CEP192: variants seen among roughly 807,000 people sequenced by gnomAD.
CEP192 encodes the protein centrosomal protein 192.
Under a neutral mutation model 271.8 loss-of-function variants are expected in CEP192, and 151 were observed. That is an observed-to-expected ratio of 0.56 (90% confidence interval 0.49 to 0.64). The LOEUF (loss-of-function observed/expected upper bound fraction) is 0.64, where lower values mean the gene tolerates loss of function less well. Among genes scored for constraint, CEP192 ranks in the 30% least tolerant of loss-of-function variants. CEP192 has a pLI of 0.00. For synonymous variants in CEP192, 995 were observed against 1,076.5 expected, an observed-to-expected ratio of 0.92 and a Z score of 1.48; for missense variants, 2,910 against 3,020.5, an observed-to-expected ratio of 0.96 and a Z score of 0.86.
intron 1 of CEP192, among the ~76,000 whole-genome samples, chr18:12,995,906 C>G (rs1311150300): frequency 6.6e-6 from 1 of 152,148 alleles, no homozygotes; most frequent in Admixed American, 6.5e-5. Context: ...GTTTCAGGAA[C>G]AGCAGGGAGG....
chr18:13,028,299 C>A (rs930319009), intron 9 of CEP192, among the ~76,000 whole-genome samples: 1 of 152,152 alleles, frequency 6.6e-6, no homozygotes, highest in African/African-American at 2.4e-5. Flanking sequence ...TTAATTACAT[C>A]CGTAAAGACC....
chr18:13,010,587 C>T (rs912618997), intron 4 of CEP192, among the ~76,000 whole-genome samples: 8 of 152,200 alleles, frequency 5.3e-5, no homozygotes, highest in African/African-American at 1.7e-4. Context: ...TGGCTCACAC[C>T]GGTAATCTCA....
At position 13,104,891 on chromosome 18, in the gene CEP192, T is replaced by C. The variant is rs906026449; in HGVS notation, c.6952-93T>C. The C allele has an allele frequency of 7.5e-6, 7 of 928,082 alleles. No homozygotes were observed. In the Admixed American group the frequency reaches 1.1e-4, roughly 15 times the overall value. The allele number at this position is 928,082 out of a possible 1,614,324, so 57.5% of individuals were successfully genotyped here. A position where few individuals can be genotyped will look rare whatever the true frequency, so the allele number is the denominator to read the frequency against. ...TTTTGTCCACTGCTAAGTGTGTTGG[T>C]GTGTTCTCCGCAGCCATAGAGGTAA... On this transcript the variant is annotated intron_variant, in intron 39 of 44. Coordinates refer to ENST00000506447, the MANE Select transcript of CEP192 (RefSeq NM_032142.4).
chr18:13,075,378 C>T (rs1252430155), intron 30 of CEP192, among the ~76,000 whole-genome samples: 1 of 151,996 alleles, frequency 6.6e-6, no homozygotes, highest in Non-Finnish European at 1.5e-5. Context: ...CAATCCTGAC[C>T]AACATGGTGA....
chr18:13,009,958 A>G lies in CEP192; in HGVS notation c.466+1327A>G, dbSNP rs111566593. On this transcript the variant is annotated intron_variant, in intron 4 of 44. Transcript: ENST00000506447. ...TGAATGGCTTGAGCCCAGGAGTTCA[A>G]TATCAGCCTGGGCAACAAGGTGAAA... 1.2e-4 allele frequency among the ~76,000 whole-genome samples: 19 copies of G among 152,276 alleles called. No homozygotes were observed. The South Asian group carries it at 1.7e-3, about 13-fold the overall frequency.
intron 1 of CEP192, among the ~76,000 whole-genome samples, chr18:12,998,403 G>A (rs1233919943): frequency 6.6e-6 from 1 of 152,176 alleles, no homozygotes; most frequent in East Asian, 1.9e-4. Flanking sequence ...GTGGATTTTC[G>A]AGTCAGACCT....
rs1459419786 is a variant in CEP192 at position 13,116,385 on chromosome 18, A to G, written c.7298A>G (p.Asp2433Gly). 6 of 1,612,322 alleles carry G rather than the reference A, an allele frequency of 3.7e-6. No individual in the cohort carries two copies. Among genetic ancestry groups the G allele is most frequent in the Non-Finnish European group, 5.1e-6 (6 of 1,179,584 alleles). ...ACCTATTCCCAAAGCAGGCAGCTTG[A>G]TGTGACTGCTCGTGGAGTTTATGCC... ...EASARIPEQL[D>G]VTARGVYAPE... The change falls in exon 43 of 45, where the codon GAT becomes GGT. Residue 2433 changes from aspartate to glycine, a missense_variant. Transcript: ENST00000506447.
intron 34 of CEP192, 152 bp from the exon 35 acceptor site, chr18:13,095,351 A>T: frequency 1.5e-6 from 1 of 653,094 alleles, no homozygotes; most frequent in Non-Finnish European, 2.6e-6. Flanking sequence ...ATTCACTAAA[A>T]AATACCTGAT....
chr18:13,121,921 A>T (rs2040679420), intron 44 of CEP192, among the ~76,000 whole-genome samples: 1 of 152,200 alleles, frequency 6.6e-6, no homozygotes, highest in Admixed American at 6.5e-5. Flanking sequence ...TACCTTTTTC[A>T]GTTTCTTTGA....
chr18:13,094,368 T>C (rs1201052559), intron 34 of CEP192, among the ~76,000 whole-genome samples: 1 of 152,224 alleles, frequency 6.6e-6, no homozygotes, highest in Non-Finnish European at 1.5e-5. Flanking sequence ...ATTAATTGGC[T>C]CTTTACTATG....
intron 1 of CEP192, among the ~76,000 whole-genome samples, chr18:12,998,437 A>G (rs60710487): frequency 0.11 from 17,142 of 152,194 alleles, 1,134 homozygotes; most frequent in East Asian, 0.31. Flanking sequence ...ACTAATTGCA[A>G]CCTTGGGAAA....
At chr18:12,996,409 G>A (rs2033242341) in intron 1 of CEP192, among the ~76,000 whole-genome samples, 1 of 148,994 alleles carries the variant, frequency 6.7e-6, no homozygotes, top group South Asian at 2.2e-4. Context: ...TTTCTTGAGG[G>A]GATGGGAATT....
At chr18:13,071,885 T>C (rs1438947072) in intron 28 of CEP192, among the ~76,000 whole-genome samples, 4 of 152,232 alleles carry the variant, frequency 2.6e-5, no homozygotes, top group Non-Finnish European at 5.9e-5. Flanking sequence ...TATGACTCTA[T>C]GGAAACCTAG....
At chr18:13,120,336 A>G (rs548425874) in intron 44 of CEP192, among the ~76,000 whole-genome samples, 1 of 152,276 alleles carries the variant, frequency 6.6e-6, no homozygotes, top group South Asian at 2.1e-4. Flanking sequence ...TGTTCTATAA[A>G]CCACTTTTGA....
At chr18:13,123,973 G>A (rs373501244) in intron 44 of CEP192, among the ~76,000 whole-genome samples, 2 of 152,186 alleles carry the variant, frequency 1.3e-5, no homozygotes, top group African/African-American at 4.8e-5. Context: ...TAGCCTGGCC[G>A]ACATGGTGAA....
chr18:13,099,648 T>C (rs980595017), intron 37 of CEP192, 67 bp downstream of exon 37: 37 of 763,642 alleles, frequency 4.8e-5, no homozygotes, highest in African/African-American at 2.7e-4. Flanking sequence ...AGTTTTATAA[T>C]CCTTATTAGC....
At position 13,042,009 on chromosome 18, in the gene CEP192, T is replaced by C. The variant is rs77090435; in HGVS notation, c.1937-195T>C. On this transcript the variant is annotated intron_variant, in intron 14 of 44. Coordinates refer to ENST00000506447, the MANE Select transcript of CEP192 (RefSeq NM_032142.4). The stretch of plus-strand genomic sequence containing the variant: ...CTTCAAAGTTTGGACTCTGCAGCAT[T>C]GAGCCAAATTAACTATGTTGTTGTT... Among the ~76,000 whole-genome samples, 768 of 152,354 alleles carry C rather than the reference T, an allele frequency of 5.0e-3. 6 individuals are homozygous for C. The highest frequency in any genetic ancestry group is 0.017 in the African/African-American group (721 of 41,578).
intron 44 of CEP192, among the ~76,000 whole-genome samples, chr18:13,120,653 G>T (rs141090870): frequency 6.6e-6 from 1 of 152,138 alleles, no homozygotes; most frequent in Admixed American, 6.5e-5. Context: ...AAATTTGAAT[G>T]AAATAATTTT....
Position 13,033,964 on chromosome 18 carries a change from AT to A in CEP192, c.1535-3272del, listed in dbSNP as rs370438886. Among the ~76,000 whole-genome samples the A allele has an allele frequency of 6.9e-4, 105 of 152,308 alleles. 2 individuals carry two copies. Among genetic ancestry groups the A allele is most frequent in the African/African-American group, 2.0e-3 (84 of 41,562 alleles). On this transcript the variant is annotated intron_variant, in intron 11 of 44. Transcript: ENST00000506447. ...AAAAATTCAGATAGACATTTCAGAA[AT>A]ATTTTAGCTGTTGGTTGCTTCTGGG...
Sources: gnomAD v4.1 joint callset for allele counts (sites outside exome capture counted in the v4.1 genomes callset) on GRCh38, gnomAD v4.1.1 for gene constraint, MANE v1.5 for transcripts, NCBI Gene and HGNC (gene_info 2026-07-23, HGNC 2026-07-21) for gene names.